The following MAPKAP1 variants were observed in gnomAD, a reference collection of about 807,000 sequenced individuals.
MAPKAP1 encodes the protein target of rapamycin complex 2 subunit MAPKAP1.
MAPKAP1 carries 20 observed loss-of-function variants against 65.7 expected under a neutral mutation model. That is an observed-to-expected ratio of 0.30 (90% CI 0.21 to 0.44). The LOEUF is 0.44. Ranked by LOEUF, MAPKAP1 falls within the 20% of genes least tolerant of loss-of-function variation. MAPKAP1 has a pLI of 1.00. For synonymous variants in MAPKAP1, 222 were observed against 244.3 expected (o/e 0.91, Z 0.85); for missense variants, 423 against 648.0 (o/e 0.65, Z 3.77).
intron 8 of MAPKAP1, among the ~76,000 whole-genome samples, chr9:125,493,211 C>T (rs1243178242): frequency 7.2e-5 from 11 of 152,340 alleles, no homozygotes; most frequent in African/African-American, 2.4e-4. Context: ...CTCTGCTCCA[C>T]TCTATCTTGA....
chr9:125,705,731 G>A (rs1467469825), intron 1 of MAPKAP1, among the ~76,000 whole-genome samples: 3 of 152,082 alleles, frequency 2.0e-5, no homozygotes, highest in Non-Finnish European at 4.4e-5. Flanking sequence ...GTCCTGAATT[G>A]GTTGGGTGAG....
intron 4 of MAPKAP1, among the ~76,000 whole-genome samples, chr9:125,650,994 T>C (rs1300785812): frequency 2.6e-5 from 4 of 152,132 alleles, no homozygotes; most frequent in Non-Finnish European, 5.9e-5. Context: ...TCAGACACCA[T>C]CTTGCTCTGT....
chr9:125,474,663 T>C (rs1013452749), intron 9 of MAPKAP1, among the ~76,000 whole-genome samples: 2 of 152,206 alleles, frequency 1.3e-5, no homozygotes, highest in Non-Finnish European at 2.9e-5. Context: ...ACCTCCCCTA[T>C]GGTACTCTTA....
At chr9:125,639,842 G>A (rs1833527676) in intron 4 of MAPKAP1, among the ~76,000 whole-genome samples, 1 of 152,206 alleles carries the variant, frequency 6.6e-6, no homozygotes, top group African/African-American at 2.4e-5. Flanking sequence ...AGGAAGGACA[G>A]ACAGCTGCAT....
intron 5 of MAPKAP1, among the ~76,000 whole-genome samples, chr9:125,580,222 A>G (rs758864043): frequency 6.6e-6 from 1 of 152,238 alleles, no homozygotes; most frequent in Non-Finnish European, 1.5e-5. Flanking sequence ...TGCTGCTATA[A>G]AGACACATGC....
At chr9:125,538,057 G>C (rs1024887913) in intron 7 of MAPKAP1, among the ~76,000 whole-genome samples, 4 of 151,946 alleles carry the variant, frequency 2.6e-5, no homozygotes, top group Non-Finnish European at 2.9e-5. Context: ...TTATTTCTTT[G>C]TGTTCATACT....
intron 8 of MAPKAP1, among the ~76,000 whole-genome samples, chr9:125,497,576 A>C (rs2133065309): frequency 1.3e-5 from 2 of 152,340 alleles, no homozygotes; most frequent in Admixed American, 1.3e-4. Flanking sequence ...CTTATATCTC[A>C]TTCAATTCTC....
At chr9:125,508,959 T>C in intron 7 of MAPKAP1, among the ~76,000 whole-genome samples, 1 of 152,310 alleles carries the variant, frequency 6.6e-6, no homozygotes, top group Middle Eastern at 3.4e-3. Flanking sequence ...TATTTAATTT[T>C]ATAAAACATG....
chr9:125,657,864 A>G (rs1834075643), intron 3 of MAPKAP1, 65 bp from the exon 4 acceptor site: 6 of 1,519,360 alleles, frequency 3.9e-6, no homozygotes, highest in Non-Finnish European at 5.4e-6. Context: ...CACCTTCCCT[A>G]AAAAGTCTTC....
intron 4 of MAPKAP1, among the ~76,000 whole-genome samples, chr9:125,591,831 A>G (rs978989410): frequency 1.3e-5 from 2 of 152,248 alleles, no homozygotes; most frequent in African/African-American, 2.4e-5. Context: ...CGAAGGATTA[A>G]AAGTATTCAT....
intron 8 of MAPKAP1, among the ~76,000 whole-genome samples, chr9:125,502,659 GATTTCA>G (rs1378854561): frequency 1.3e-5 from 2 of 152,052 alleles, no homozygotes; most frequent in Non-Finnish European, 2.9e-5. Flanking sequence ...TATCACATAT[GATTTCA>G]ATCTTTTGAT....
intron 9 of MAPKAP1, among the ~76,000 whole-genome samples, chr9:125,481,394 T>C (rs1423257312): frequency 6.6e-6 from 1 of 152,194 alleles, no homozygotes; most frequent in Non-Finnish European, 1.5e-5. Flanking sequence ...TTTGACCCTC[T>C]GTCTTGACCA....
chr9:125,533,298 A>G (rs748934307), intron 7 of MAPKAP1, among the ~76,000 whole-genome samples: 1 of 152,160 alleles, frequency 6.6e-6, no homozygotes, highest in Non-Finnish European at 1.5e-5. Context: ...ACTAAACGAC[A>G]CTAAAGACCC....
intron 7 of MAPKAP1, among the ~76,000 whole-genome samples, chr9:125,535,649 A>C (rs1830053764): frequency 6.6e-6 from 1 of 152,134 alleles, no homozygotes; most frequent in African/African-American, 2.4e-5. Context: ...ACATCATTAC[A>C]CTCATATACA....
chr9:125,694,356 C>T (rs1222583178), intron 1 of MAPKAP1, among the ~76,000 whole-genome samples: 2 of 151,722 alleles, frequency 1.3e-5, no homozygotes, highest in South Asian at 4.2e-4. Context: ...AAGAAAATTA[C>T]GGCTATAAAA....
At chr9:125,592,530 A>G (rs1050996484) in intron 4 of MAPKAP1, among the ~76,000 whole-genome samples, 1 of 152,218 alleles carries the variant, frequency 6.6e-6, no homozygotes, top group Non-Finnish European at 1.5e-5. Flanking sequence ...TCAGGGCTTA[A>G]AAGTTTTAGG....
chr9:125,557,952 G>C (rs1240702377), intron 6 of MAPKAP1, among the ~76,000 whole-genome samples: 1 of 152,204 alleles, frequency 6.6e-6, no homozygotes, highest in Non-Finnish European at 1.5e-5. Flanking sequence ...CGCCTCCCGG[G>C]TTCCAGCGAT....
chr9:125,555,682 G>C (rs1482315826), intron 6 of MAPKAP1, among the ~76,000 whole-genome samples: 1 of 152,250 alleles, frequency 6.6e-6, no homozygotes, highest in East Asian at 1.9e-4. Context: ...CCTGTGCTGG[G>C]TGCTCAGGAT....
intron 9 of MAPKAP1, among the ~76,000 whole-genome samples, chr9:125,479,802 T>C (rs962276247): frequency 5.9e-5 from 9 of 152,186 alleles, no homozygotes; most frequent in African/African-American, 1.9e-4. Context: ...AGTGGTTTTC[T>C]GTGGAATCAG....
Sources: gnomAD v4.1 joint callset for allele counts (sites outside exome capture counted in the v4.1 genomes callset) on GRCh38, gnomAD v4.1.1 for gene constraint, MANE v1.5 for transcripts, NCBI Gene and HGNC (gene_info 2026-07-23, HGNC 2026-07-21) for gene names.